Variants in HPSE2 observed in about 807,000 individuals in gnomAD.
The protein encoded by HPSE2 is heparanase 2 (inactive).
HPSE2 carries 38 observed loss-of-function variants against 60.5 expected under a neutral mutation model. The ratio of observed to expected loss-of-function variants is 0.63; its 90% CI spans 0.48 to 0.82. HPSE2 has a LOEUF of 0.82. Among genes scored for constraint, HPSE2 ranks in the 40% least tolerant of loss-of-function variants. The pLI, the probability that HPSE2 is intolerant of heterozygous loss-of-function variation, is 0.00. For missense variants in HPSE2, 713 were observed against 740.4 expected (o/e 0.96, Z 0.43); for synonymous variants, 295 against 293.2 (o/e 1.01, Z -0.06).
At chr10:99,000,191 G>A (rs1379639133) in intron 3 of HPSE2, among the ~76,000 whole-genome samples, 1 of 152,086 alleles carries the variant, frequency 6.6e-6, no homozygotes, top group African/African-American at 2.4e-5. Context: ...GAGAAAGTGT[G>A]TATTAACTGT....
At chr10:99,215,084 C>G (rs1849074425) in intron 2 of HPSE2, among the ~76,000 whole-genome samples, 1 of 152,180 alleles carries the variant, frequency 6.6e-6, no homozygotes, top group South Asian at 2.1e-4. Context: ...AATCCCATTA[C>G]TGGGTATATA....
intron 3 of HPSE2, among the ~76,000 whole-genome samples, chr10:98,879,246 G>T (rs768481522): frequency 2.6e-5 from 4 of 151,896 alleles, no homozygotes; most frequent in Non-Finnish European, 4.4e-5. Context: ...GTCACACCAT[G>T]GTACATGTAA....
Position 98,819,497 on chromosome 10 carries a change from T to A in HPSE2, c.611-75441A>T, listed in dbSNP as rs913112224. 7.9e-5 allele frequency among the ~76,000 whole-genome samples: 12 copies of A among 151,474 alleles called. 1 individual carries two copies. Among genetic ancestry groups the A allele is most frequent in the Admixed American group, 1.3e-4 (2 of 15,168 alleles). Reference sequence around the variant, plus strand: ...GAAGGGACTTCTTAGGAAAACATCATGTGGCCATTACCTTTTCCCATAAGG... The same window carrying A: ...GAAGGGACTTCTTAGGAAAACATCAAGTGGCCATTACCTTTTCCCATAAGG... On this transcript the variant is annotated intron_variant, in intron 3 of 11. Transcript: ENST00000370552.
At chr10:99,028,318 A>G (rs570208325) in intron 3 of HPSE2, among the ~76,000 whole-genome samples, 20 of 152,336 alleles carry the variant, frequency 1.3e-4, no homozygotes, top group African/African-American at 4.8e-4. Context: ...AAATCAACAT[A>G]CAAAAATGAG....
At chr10:98,729,104 CAG>C (rs1329984158) in intron 4 of HPSE2, among the ~76,000 whole-genome samples, 1 of 151,880 alleles carries the variant, frequency 6.6e-6, no homozygotes, top group African/African-American at 2.4e-5. Flanking sequence ...AAAAGTGAGA[CAG>C]AGGAACAAAA....
rs561399160 is a variant in HPSE2, at chr10:99,210,856, G to A, written c.448+21492C>T. ...GTCGAAAGCTCTTCTGCTAAGATGAGGAATAAGATAAAGATGCCCTCTCTC... is the reference window on the plus strand; with the variant it reads ...GTCGAAAGCTCTTCTGCTAAGATGAAGAATAAGATAAAGATGCCCTCTCTC... On this transcript the variant is annotated intron_variant, in intron 2 of 11. Coordinates refer to ENST00000370552, the MANE Select transcript of HPSE2 (RefSeq NM_021828.5). Among the ~76,000 whole-genome samples the A allele has an allele frequency of 1.6e-4, 25 of 152,048 alleles. No homozygotes were observed. The South Asian group carries it at 5.0e-3, about 30-fold the overall frequency.
intron 3 of HPSE2, among the ~76,000 whole-genome samples, chr10:99,124,036 C>T (rs778291421): frequency 6.6e-6 from 1 of 152,110 alleles, no homozygotes; most frequent in Non-Finnish European, 1.5e-5. Flanking sequence ...GTGCAGCCTT[C>T]AGCAAAAAGG....
intron 3 of HPSE2, among the ~76,000 whole-genome samples, chr10:98,894,205 A>G (rs924625168): frequency 6.6e-6 from 1 of 152,194 alleles, no homozygotes; most frequent in Non-Finnish European, 1.5e-5. Context: ...TCAGTTCAGG[A>G]CTGAAAAAAT....
chr10:98,964,255 T>G lies in HPSE2; in HGVS notation c.610+179983A>C, dbSNP rs115007228. Among the ~76,000 whole-genome samples the G allele has an allele frequency of 5.9e-3, 891 of 152,236 alleles. 13 individuals are homozygous for G. The highest frequency in any genetic ancestry group is 0.02 in the African/African-American group (846 of 41,570). ...CCTTTTCATGAATGTATAACATAAT[T>G]CCTATTTCAAGGTTTCTGTACAGAA... is the stretch of plus-strand genomic sequence containing the variant. On this transcript the variant is annotated intron_variant, in intron 3 of 11. Coordinates refer to ENST00000370552, the MANE Select transcript of HPSE2 (RefSeq NM_021828.5).
At position 98,459,397 on chromosome 10, in the gene HPSE2, T is replaced by G; in HGVS notation, c.*177A>C. 1 of 740,772 alleles carries G rather than the reference T, an allele frequency of 1.3e-6. No individual in the cohort carries two copies. Among genetic ancestry groups the G allele is most frequent in the South Asian group, 1.6e-5 (1 of 64,296 alleles). 45.9% of individuals were successfully genotyped at this position (740,772 alleles called of 1,614,324 possible). A position where few individuals can be genotyped will look rare whatever the true frequency, so the allele number is the denominator to read the frequency against. On this transcript the variant is annotated 3_prime_UTR_variant, in exon 12 of 12. Coordinates refer to ENST00000370552, the MANE Select transcript of HPSE2 (RefSeq NM_021828.5). ...TCCTTTGGGATGGATGTGGCCTACC[T>G]AGGCTAAGATCACGCTATGACATTT...
intron 3 of HPSE2, among the ~76,000 whole-genome samples, chr10:99,056,344 A>G (rs1353402538): frequency 1.3e-5 from 2 of 152,156 alleles, no homozygotes; most frequent in African/African-American, 4.8e-5. Context: ...TTCAGGTGCA[A>G]TTGGGTTCAC....
chr10:99,171,718 A>T (rs1847316873), intron 2 of HPSE2, among the ~76,000 whole-genome samples: 1 of 152,196 alleles, frequency 6.6e-6, no homozygotes, highest in Non-Finnish European at 1.5e-5. Context: ...TTAATTGAAT[A>T]ATGGGCAAAG....
intron 9 of HPSE2, among the ~76,000 whole-genome samples, chr10:98,566,787 G>T (rs577211360): frequency 6.6e-6 from 1 of 152,292 alleles, no homozygotes; most frequent in East Asian, 1.9e-4. Context: ...ACACAGAAGG[G>T]TTTGAGTTAG....
In HPSE2 at chr10:99,235,785, G is replaced by T; in HGVS notation, c.18C>A (p.Ala6=). The change falls in exon 1 of 12, where the codon GCC becomes GCA. Residue 6 remains alanine (A), a synonymous_variant. Coordinates refer to ENST00000370552, the MANE Select transcript of HPSE2 (RefSeq NM_021828.5). ...TGCTGGAGGGCATGGCTTCAGGGAA[G>T]GCACAAAGCACCCTCATTCAATCCC... MRVLC[A]FPEAMPSSNS... is the part of the protein sequence containing the mutation. 6.2e-7 allele frequency: 1 copy of T among 1,613,496 alleles called. No individual in the cohort carries two copies. Among genetic ancestry groups the T allele is most frequent in the South Asian group, 1.1e-5 (1 of 91,046 alleles).
intron 3 of HPSE2, among the ~76,000 whole-genome samples, chr10:98,919,214 G>A (rs970353934): frequency 1.3e-5 from 2 of 152,132 alleles, no homozygotes; most frequent in Non-Finnish European, 2.9e-5. Context: ...TCTACACAAA[G>A]AAACGAGTAT....
At chr10:99,299,871 G>A in the HPSE2 span, among the ~76,000 whole-genome samples, 2 of 152,110 alleles carry the variant, frequency 1.3e-5, no homozygotes, top group Non-Finnish European at 2.9e-5. Context: ...CTCCCCAGAA[G>A]AGTGAGCTCT....
chr10:98,698,582 T>A (rs1014612623), intron 5 of HPSE2, among the ~76,000 whole-genome samples: 4 of 151,822 alleles, frequency 2.6e-5, no homozygotes, highest in Admixed American at 1.3e-4. Context: ...TTAAAAGAAC[T>A]AGAAAAGCAA....
Position 98,530,807 on chromosome 10 carries a change from A to C in HPSE2, c.1321-40611T>G, listed in dbSNP as rs1307414533. 2.0e-5 allele frequency among the ~76,000 whole-genome samples: 3 copies of C among 152,028 alleles called. No individual in the cohort carries two copies. The East Asian group carries it at 5.8e-4, about 29-fold the overall frequency. ...CCCGCATTTTCATCCCTTCCCCAAC[A>C]TGATGCCTCCCACCCCCGAGGTGGC... is the stretch of plus-strand genomic sequence containing the variant. On this transcript the variant is annotated intron_variant, in intron 9 of 11. Transcript: ENST00000370552.
intron 11 of HPSE2, among the ~76,000 whole-genome samples, chr10:98,465,536 G>A (rs1418620464): frequency 6.6e-6 from 1 of 152,184 alleles, no homozygotes; most frequent in Non-Finnish European, 1.5e-5. Context: ...TTACTATGGG[G>A]ACAAGGTTAG....
Sources: allele counts gnomAD v4.1 joint callset (sites outside exome capture counted in the v4.1 genomes callset), GRCh38; gene constraint gnomAD v4.1.1; transcripts MANE v1.5; gene names NCBI Gene and HGNC (gene_info 2026-07-23, HGNC 2026-07-21).